RPL28: variants seen among roughly 807,000 people sequenced by gnomAD.
RPL28 encodes ribosomal protein L28, also known as large ribosomal subunit protein eL28.
RPL28 carries 4 observed loss-of-function variants against 12.5 expected under a neutral mutation model. That is an observed-to-expected ratio of 0.32 (90% CI 0.16 to 0.73). The LOEUF (loss-of-function observed/expected upper bound fraction) is 0.73. Ranked by LOEUF, RPL28 falls within the 30% of genes least tolerant of loss-of-function variation. The pLI is 0.66. For missense variants in RPL28, 214 were observed against 197.7 expected (o/e 1.08, Z -0.49); for synonymous variants, 91 against 72.5 (o/e 1.26, Z -1.30).
In RPL28 at chr19:55,398,518, T is replaced by A. The variant is rs563052360; in HGVS notation, c.325-4425T>A. ...TTGTTTTTCTAGGAGTATAATGGCA[T>A]CAATCTTGGTTTACATTTGCATTTT... On this transcript the variant is annotated intron_variant, in intron 4 of 4. Coordinates refer to the RPL28 transcript ENST00000560055. Among the ~76,000 whole-genome samples the A allele has an allele frequency of 3.2e-4, 49 of 152,350 alleles. 1 individual carries two copies. The South Asian group carries it at 0.01, about 32-fold the overall frequency.
chr19:55,401,455 C>T (rs769119945), intron 4 of RPL28: 56 of 1,605,540 alleles, frequency 3.5e-5, no homozygotes, highest in South Asian at 2.5e-4. Flanking sequence ...CCGCAGCGCC[C>T]GCTTCTTGTC....
rs1453398257 is a variant in RPL28 at position 55,390,096 on chromosome 19, G to A, written c.*1764G>A. ...TGGCAGGTTTATCTGTCTCATGTTT[G>A]TCTTGTGCTGGTGGGCAAGGGGTTT... On this transcript the variant is annotated 3_prime_UTR_variant, in exon 5 of 5. Transcript: ENST00000344063. 1.0e-6 allele frequency: 1 copy of A among 985,504 alleles called. No individual in the cohort carries two copies. Among genetic ancestry groups the A allele is most frequent in the Non-Finnish European group, 1.2e-6 (1 of 829,984 alleles). 61.0% of individuals were successfully genotyped at this position (985,504 alleles called of 1,614,324 possible).
chr19:55,392,512 C>A (rs753979607), downstream of RPL28, among the ~76,000 whole-genome samples: 3 of 151,510 alleles, frequency 2.0e-5, no homozygotes, highest in Non-Finnish European at 2.9e-5. Context: ...GGATTACAAG[C>A]GTGAGCCACT....
At chr19:55,395,486 C>A (rs542553703), downstream of RPL28, among the ~76,000 whole-genome samples, 3 of 149,018 alleles carry the variant, frequency 2.0e-5, no homozygotes, top group East Asian at 3.9e-4. Flanking sequence ...CACTCTCCCC[C>A]AGTCTGGAGT....
chr19:55,387,710 C>G (rs1378236985), intron 3 of RPL28: 23 of 1,412,324 alleles, frequency 1.6e-5, no homozygotes, highest in Non-Finnish European at 2.1e-5. Flanking sequence ...CAGAATTGGG[C>G]TATGAGTGTG....
chr19:55,391,780 C>T lies in RPL28; in HGVS notation c.*3448C>T. The T allele has an allele frequency of 7.5e-7, 1 of 1,326,668 alleles. No homozygotes were observed. The allele number at this position is 1,326,668 out of a possible 1,614,324, so 82.2% of individuals were successfully genotyped here. A position where few individuals can be genotyped will look rare whatever the true frequency, so the allele number is the denominator to read the frequency against. On this transcript the variant is annotated 3_prime_UTR_variant, in exon 5 of 5. Coordinates refer to ENST00000344063, the MANE Select transcript of RPL28 (RefSeq NM_000991.5). Reference sequence around the variant, plus strand: ...AATGACTTTTTATAAATATTTTGATCAGATGGACTCATGATCACAGATGTC... The same window carrying T: ...AATGACTTTTTATAAATATTTTGATTAGATGGACTCATGATCACAGATGTC...
At position 55,391,302 on chromosome 19, in the gene RPL28, G is replaced by C; in HGVS notation, c.*2970G>C. The C allele has an allele frequency of 4.8e-6, 3 of 631,528 alleles. No individual in the cohort carries two copies. The highest frequency in any genetic ancestry group is 6.6e-6 in the Non-Finnish European group (3 of 454,166). 39.1% of individuals were successfully genotyped at this position (631,528 alleles called of 1,614,324 possible). ...ATGCCCAGCTGTGGGGACTTGGGCAGCTCGTTTAGTAGCACCGTGCCTCAG... is the reference window on the plus strand; with the variant it reads ...ATGCCCAGCTGTGGGGACTTGGGCACCTCGTTTAGTAGCACCGTGCCTCAG... On this transcript the variant is annotated 3_prime_UTR_variant, in exon 5 of 5. Transcript: ENST00000344063.
At position 55,389,356 on chromosome 19, in the gene RPL28, GT is replaced by G; in HGVS notation, c.*1025del. On this transcript the variant is annotated 3_prime_UTR_variant, in exon 5 of 5. Transcript: ENST00000344063. ...AGCCTGGAAGACACCATGACACACA[GT>G]GAGGCCTGGATGGGGAAAGAGTCCT... 1 of 27,488 alleles carries G rather than the reference GT, an allele frequency of 3.6e-5. No individual in the cohort carries two copies. The highest frequency in any genetic ancestry group is 0.015 in the Middle Eastern group (1 of 68). 1.7% of individuals were successfully genotyped at this position (27,488 alleles called of 1,614,324 possible). A position where few individuals can be genotyped will look rare whatever the true frequency, so the allele number is the denominator to read the frequency against.
chr19:55,397,353 G>A (rs2090030721), intron 4 of RPL28, among the ~76,000 whole-genome samples: 2 of 152,220 alleles, frequency 1.3e-5, no homozygotes, highest in African/African-American at 2.4e-5. Flanking sequence ...ATACAAGCAT[G>A]TTTCTGCTGT....
chr19:55,401,188 C>CT, intron 4 of RPL28: 1 of 570,948 alleles, frequency 1.8e-6, no homozygotes, highest in Non-Finnish European at 3.1e-6. Context: ...GTCCATGAGG[C>CT]TTTACAAGGA....
chr19:55,399,711 G>C (rs996576844), intron 4 of RPL28: 2 of 152,170 alleles, frequency 1.3e-5, no homozygotes, highest in Non-Finnish European at 2.9e-5. Context: ...TAATACCCAG[G>C]AGATTCCAAG....
At position 55,388,525 on chromosome 19, in the gene RPL28, T is replaced by C; in HGVS notation, c.*193T>C. The C allele has an allele frequency of 7.7e-7, 1 of 1,293,154 alleles. No homozygotes were observed. The highest frequency in any genetic ancestry group is 9.8e-7 in the Non-Finnish European group (1 of 1,018,276). 80.1% of individuals were successfully genotyped at this position (1,293,154 alleles called of 1,614,324 possible). A position where few individuals can be genotyped will look rare whatever the true frequency, so the allele number is the denominator to read the frequency against. ...GGCCATGCAGGAGGGGTGGGGTAGC[T>C]GCCTTGTCCCTGGTGAGGGCAAGGG... On this transcript the variant is annotated 3_prime_UTR_variant, in exon 5 of 5. Transcript: ENST00000344063.
downstream of RPL28, among the ~76,000 whole-genome samples, chr19:55,396,268 T>TA (rs201869979): frequency 2.7e-3 from 350 of 131,720 alleles, no homozygotes; most frequent in Middle Eastern, 3.9e-3. Context: ...TGTAAACTTG[T>TA]AAAAAAAAAA....
chr19:55,400,364 A>G (rs977832680), intron 4 of RPL28: 2 of 152,160 alleles, frequency 1.3e-5, no homozygotes, highest in Non-Finnish European at 2.9e-5. Context: ...TAAATAACCT[A>G]AACGCATTAA....
In RPL28 at chr19:55,389,859, G is replaced by A; in HGVS notation, c.*1527G>A. On this transcript the variant is annotated 3_prime_UTR_variant, in exon 5 of 5. Transcript: ENST00000344063. ...TCCCACTCAGGCCCACCTCCAGCTG[G>A]CCTCACTCCGCTGGTGACTTCGTAC... 1.0e-6 allele frequency: 1 copy of A among 985,206 alleles called. No homozygotes were observed. Among genetic ancestry groups the A allele is most frequent in the Non-Finnish European group, 1.2e-6 (1 of 829,836 alleles). 61.0% of individuals were successfully genotyped at this position (985,206 alleles called of 1,614,324 possible).
chr19:55,388,239 C>T lies in RPL28; in HGVS notation c.325-4C>T, dbSNP rs757991028. ...TGAGCCTTGCTCTGCTCCCCCGCCC[C>T]CAGGCAGCCATCCGCAGGGCCAGCG... On this transcript the variant is annotated splice_polypyrimidine_tract_variant and splice_region_variant and intron_variant, in intron 4 of 4. Coordinates refer to ENST00000344063, the MANE Select transcript of RPL28 (RefSeq NM_000991.5). The T allele has an allele frequency of 6.5e-6, 10 of 1,540,280 alleles. No homozygotes were observed. In the African/African-American group the frequency reaches 1.1e-4, roughly 17 times the overall value.
At chr19:55,392,702 T>A (rs1218397164), downstream of RPL28, among the ~76,000 whole-genome samples, 2 of 152,212 alleles carry the variant, frequency 1.3e-5, no homozygotes, top group East Asian at 3.9e-4. Context: ...AAATGTTTTT[T>A]GTATTTTTAG....
At chr19:55,387,061 C>T (rs2089937815) in intron 3 of RPL28, 8 of 1,427,794 alleles carry the variant, frequency 5.6e-6, no homozygotes, top group South Asian at 4.5e-5. Context: ...GAGGGGCCCT[C>T]GCTACCACAC....
intron 4 of RPL28, among the ~76,000 whole-genome samples, chr19:55,402,239 T>C (rs1377065724): frequency 6.6e-6 from 1 of 152,220 alleles, no homozygotes; most frequent in Non-Finnish European, 1.5e-5. Context: ...AAATCACACC[T>C]GCGTGTTGGA....
Sources: gnomAD v4.1 joint callset for allele counts (sites outside exome capture counted in the v4.1 genomes callset) on GRCh38, gnomAD v4.1.1 for gene constraint, MANE v1.5 for transcripts, NCBI Gene and HGNC (gene_info 2026-07-23, HGNC 2026-07-21) for gene names.